The following LCORL variants were observed in gnomAD, a reference collection of about 807,000 sequenced individuals.
LCORL encodes ligand-dependent nuclear receptor corepressor-like protein.
In LCORL, 41 loss-of-function variants were observed where a neutral mutation model predicts 141.8. That is an observed-to-expected ratio of 0.29 (90% CI 0.23 to 0.38). The LOEUF (loss-of-function observed/expected upper bound fraction) is 0.38, where lower values mean the gene tolerates loss of function less well. Among genes scored for constraint, LCORL ranks in the 10% least tolerant of loss-of-function variants. The probability of loss-of-function intolerance (pLI) is 1.00; values close to 1 mark genes in which losing one functional copy is unlikely to be tolerated. For missense variants in LCORL, 1,759 were observed against 2,035.0 expected, an observed-to-expected ratio of 0.86 and a Z score of 2.61; for synonymous variants, 618 against 694.1, an observed-to-expected ratio of 0.89 and a Z score of 1.72.
At chr4:17,923,033 T>C (rs1734548804) in intron 4 of LCORL, among the ~76,000 whole-genome samples, 1 of 152,140 alleles carries the variant, frequency 6.6e-6, no homozygotes, top group Non-Finnish European at 1.5e-5. Flanking sequence ...CCAACACCCC[T>C]GTTTGCTTCT....
At chr4:17,912,993 G>A in intron 4 of LCORL, 1 of 364,694 alleles carries the variant, frequency 2.7e-6, no homozygotes, top group South Asian at 2.7e-5. Context: ...GCAGAAGTAG[G>A]GTCCGCTCTG....
At chr4:17,996,730 A>G (rs372390047) in intron 1 of LCORL, among the ~76,000 whole-genome samples, 10 of 152,258 alleles carry the variant, frequency 6.6e-5, no homozygotes, top group African/African-American at 2.4e-4. Context: ...AGCTTGATAC[A>G]TTAAAGATTC....
chr4:17,847,324 TAG>T, intron 7 of LCORL, among the ~76,000 whole-genome samples: 2 of 152,330 alleles, frequency 1.3e-5, no homozygotes, highest in South Asian at 4.1e-4. Context: ...AGTGACTTGG[TAG>T]AGTTGGGAAA....
At chr4:17,997,232 A>G (rs1480275582) in intron 1 of LCORL, among the ~76,000 whole-genome samples, 2 of 152,176 alleles carry the variant, frequency 1.3e-5, no homozygotes, top group African/African-American at 4.8e-5. Context: ...TGATGTCTCA[A>G]CGCCTTCTCC....
intron 4 of LCORL, among the ~76,000 whole-genome samples, chr4:17,950,856 C>T (rs1452183572): frequency 6.6e-6 from 1 of 151,906 alleles, no homozygotes; most frequent in African/African-American, 2.4e-5. Flanking sequence ...TGAGTTTGAT[C>T]ATGACAGGAG....
intron 1 of LCORL, 127 bp from the exon 2 acceptor site, chr4:17,973,012 C>A: frequency 2.5e-6 from 1 of 397,446 alleles, no homozygotes; most frequent in Non-Finnish European, 4.4e-6. Context: ...CCTCTAGCTG[C>A]ATTAAACTGA....
At chr4:17,963,279 T>C (rs549488098) in intron 2 of LCORL, among the ~76,000 whole-genome samples, 13 of 152,108 alleles carry the variant, frequency 8.5e-5, no homozygotes, top group Non-Finnish European at 1.5e-4. Context: ...AATGAGCTGG[T>C]TATAAATTAA....
intron 1 of LCORL, among the ~76,000 whole-genome samples, chr4:18,018,528 T>C (rs1442527932): frequency 6.6e-6 from 1 of 152,190 alleles, no homozygotes; most frequent in African/African-American, 2.4e-5. Flanking sequence ...ATGCCACAAT[T>C]AGAGGAAGGT....
At chr4:17,922,999 G>A (rs978806276) in intron 4 of LCORL, among the ~76,000 whole-genome samples, 1 of 152,160 alleles carries the variant, frequency 6.6e-6, no homozygotes, top group Non-Finnish European at 1.5e-5. Flanking sequence ...GAAAGACAGT[G>A]ACGATTCTCC....
At chr4:17,959,947 T>C (rs1713455232) in intron 4 of LCORL, among the ~76,000 whole-genome samples, 2 of 152,148 alleles carry the variant, frequency 1.3e-5, no homozygotes, top group African/African-American at 4.8e-5. Context: ...AGAACTCAAA[T>C]GGCAAACTAA....
In LCORL at chr4:17,957,963, A is replaced by C. The variant is rs572918742; in HGVS notation, c.430+3940T>G. On this transcript the variant is annotated intron_variant, in intron 4 of 7. Transcript: ENST00000635767. ...TCTGCATTTAGAGAAAAGCACTCTA[A>C]AAGATTAACACTACCTGTTTTTAAG... is the stretch of plus-strand genomic sequence containing the variant. 3.3e-5 allele frequency among the ~76,000 whole-genome samples: 5 copies of C among 151,952 alleles called. No individual in the cohort carries two copies. The South Asian group carries it at 1.0e-3, about 32-fold the overall frequency.
intron 7 of LCORL, among the ~76,000 whole-genome samples, chr4:17,847,772 C>A (rs1266465819): frequency 6.6e-6 from 1 of 152,142 alleles, no homozygotes; most frequent in East Asian, 1.9e-4. Context: ...CATTTCCTTC[C>A]TCCAAGGACT....
intron 5 of LCORL, among the ~76,000 whole-genome samples, chr4:17,892,111 T>C (rs1390764601): frequency 6.6e-6 from 1 of 152,172 alleles, no homozygotes; most frequent in African/African-American, 2.4e-5. Context: ...GTTTCAGTCA[T>C]GGGAGAAATA....
At chr4:17,873,977 C>T in exon 7 of LCORL, 1 of 1,234,192 alleles carries the variant, frequency 8.1e-7, no homozygotes, top group Non-Finnish European at 1.0e-6. Flanking sequence ...CTACCCTCTG[C>T]TGCAAGTCAC....
chr4:17,972,491 C>T (rs563625121), intron 2 of LCORL, among the ~76,000 whole-genome samples: 14 of 151,630 alleles, frequency 9.2e-5, no homozygotes, highest in Admixed American at 3.3e-4. Context: ...TTTGATTAAG[C>T]AATTACCTAA....
At chr4:18,011,737 T>C (rs1289346841) in intron 1 of LCORL, among the ~76,000 whole-genome samples, 2 of 152,204 alleles carry the variant, frequency 1.3e-5, no homozygotes, top group African/African-American at 4.8e-5. Context: ...TTAATTTATG[T>C]CTTTCTTTTG....
chr4:17,954,721 G>A (rs1712228066), intron 4 of LCORL, among the ~76,000 whole-genome samples: 1 of 152,100 alleles, frequency 6.6e-6, no homozygotes, highest in Admixed American at 6.6e-5. Flanking sequence ...TAGATTTGAA[G>A]GTACAGACTT....
chr4:17,919,747 G>T (rs543920883), intron 4 of LCORL, among the ~76,000 whole-genome samples: 1 of 152,310 alleles, frequency 6.6e-6, no homozygotes, highest in East Asian at 1.9e-4. Flanking sequence ...GGTCTCAGGA[G>T]CAGGCCCCAG....
intron 5 of LCORL, among the ~76,000 whole-genome samples, chr4:17,900,632 T>C (rs1197757834): frequency 1.3e-5 from 2 of 152,164 alleles, no homozygotes; most frequent in Non-Finnish European, 2.9e-5. Flanking sequence ...ATGAAAAGTA[T>C]AATGACAAAT....
Sources: allele counts gnomAD v4.1 joint callset (sites outside exome capture counted in the v4.1 genomes callset), GRCh38; gene constraint gnomAD v4.1.1; transcripts MANE v1.5; gene names NCBI Gene and HGNC (gene_info 2026-07-23, HGNC 2026-07-21).